Variants in DLGAP4 observed in about 807,000 individuals in gnomAD.
The protein encoded by DLGAP4 is disks large-associated protein 4.
In DLGAP4, 18 loss-of-function variants were observed where a neutral mutation model predicts 86.9. The observed-to-expected ratio is 0.21, with a 90% CI of 0.14 to 0.31. DLGAP4 has a LOEUF of 0.31. Among genes scored for constraint, DLGAP4 ranks in the 10% least tolerant of loss-of-function variants. The probability of loss-of-function intolerance (pLI) is 1.00; values close to 1 mark genes in which losing one functional copy is unlikely to be tolerated. For synonymous variants in DLGAP4, 548 were observed against 574.3 expected (o/e 0.95, Z 0.65); for missense variants, 1,085 against 1,362.6 (o/e 0.80, Z 3.21).
chr20:36,496,679 C>T lies in DLGAP4; in HGVS notation c.1649-26C>T, dbSNP rs565892630. ...GGGGGCTTCACCATCTCACCTCTCC[C>T]CTGCCCTTCTCTCATCCATCTGCAG... On this transcript the variant is annotated intron_variant, in intron 7 of 12. Transcript: ENST00000339266. The T allele has an allele frequency of 8.8e-5, 139 of 1,583,224 alleles. 1 individual carries two copies. In the South Asian group the frequency reaches 1.6e-3, roughly 18 times the overall value.
intron 1 of DLGAP4, among the ~76,000 whole-genome samples, chr20:36,315,410 T>C (rs1435629266): frequency 1.3e-5 from 2 of 148,494 alleles, no homozygotes; most frequent in Non-Finnish European, 3.0e-5. Flanking sequence ...AGCCAGGAGC[T>C]TGGGATGAGG....
intron 7 of DLGAP4, chr20:36,465,256 C>G (rs2034297435): frequency 6.7e-6 from 1 of 149,326 alleles, no homozygotes; most frequent in African/African-American, 2.4e-5. Flanking sequence ...ATCTTCTCAT[C>G]TCTCCCAGGC....
At chr20:36,335,280 C>T (rs1322673713) in intron 1 of DLGAP4, among the ~76,000 whole-genome samples, 1 of 152,160 alleles carries the variant, frequency 6.6e-6, no homozygotes, top group African/African-American at 2.4e-5. Context: ...GATGGCATGA[C>T]ATTGATTTGT....
chr20:36,402,751 A>AT (rs56876508), intron 2 of DLGAP4, among the ~76,000 whole-genome samples: 15 of 149,910 alleles, frequency 1.0e-4, no homozygotes, highest in East Asian at 4.0e-4. Flanking sequence ...ATAAAAAAAA[A>AT]TTTTTTTTTA....
chr20:36,343,268 G>A (rs1600416002), intron 1 of DLGAP4, among the ~76,000 whole-genome samples: 1 of 152,206 alleles, frequency 6.6e-6, no homozygotes. Flanking sequence ...GCTGTGGCTT[G>A]GACCCAGGGT....
At chr20:36,362,755 G>A (rs529326497) in intron 1 of DLGAP4, among the ~76,000 whole-genome samples, 38 of 152,298 alleles carry the variant, frequency 2.5e-4, no homozygotes, top group Admixed American at 1.6e-3. Context: ...ATGCAATTAC[G>A]TGGCCTGTTG....
At chr20:36,454,779 T>C (rs2033837189) in intron 7 of DLGAP4, among the ~76,000 whole-genome samples, 1 of 152,204 alleles carries the variant, frequency 6.6e-6, no homozygotes, top group Non-Finnish European at 1.5e-5. Context: ...GCGGCAGTTA[T>C]TGAGGCAGTG....
At chr20:36,369,073 C>T (rs1327137585) in intron 2 of DLGAP4, among the ~76,000 whole-genome samples, 3 of 152,142 alleles carry the variant, frequency 2.0e-5, no homozygotes, top group African/African-American at 7.2e-5. Context: ...CCGTCAGCAT[C>T]GCGTGGAAAG....
At chr20:36,311,379 A>G (rs2065052012) in intron 1 of DLGAP4, among the ~76,000 whole-genome samples, 1 of 152,066 alleles carries the variant, frequency 6.6e-6, no homozygotes, top group Admixed American at 6.6e-5. Flanking sequence ...GGGTTTCGCA[A>G]CGCCGCCTCC....
intron 10 of DLGAP4, chr20:36,508,124 G>A (rs2036483096): frequency 1.3e-5 from 2 of 152,174 alleles, no homozygotes; most frequent in African/African-American, 4.8e-5. Flanking sequence ...CCCAAGGCGG[G>A]GCTTCAGGTT....
chr20:36,331,343 G>T (rs2065266046), intron 1 of DLGAP4, among the ~76,000 whole-genome samples: 1 of 152,234 alleles, frequency 6.6e-6, no homozygotes, highest in Admixed American at 6.5e-5. Context: ...CCCATCTCCG[G>T]CATCCCCAGC....
At chr20:36,392,324 C>T (rs1325688006) in intron 2 of DLGAP4, among the ~76,000 whole-genome samples, 1 of 152,172 alleles carries the variant, frequency 6.6e-6, no homozygotes, top group Non-Finnish European at 1.5e-5. Context: ...GGGTTAGAGC[C>T]TTAGGATTGC....
intron 1 of DLGAP4, among the ~76,000 whole-genome samples, chr20:36,346,039 G>A (rs555298701): frequency 6.6e-6 from 1 of 152,300 alleles, no homozygotes; most frequent in Admixed American, 6.5e-5. Flanking sequence ...CTACAGGTGT[G>A]AGCCACCATG....
At chr20:36,314,846 T>A (rs1271519906) in intron 1 of DLGAP4, among the ~76,000 whole-genome samples, 16 of 131,394 alleles carry the variant, frequency 1.2e-4, no homozygotes, top group South Asian at 2.9e-4. Flanking sequence ...CTGGTGTGTG[T>A]GCTATGATGT....
intron 2 of DLGAP4, among the ~76,000 whole-genome samples, chr20:36,413,645 T>G (rs771833624): frequency 1.3e-5 from 2 of 150,242 alleles, no homozygotes; most frequent in Non-Finnish European, 3.0e-5. Flanking sequence ...GGTCTTGAGC[T>G]CCTGACCTCG....
At chr20:36,329,459 T>G (rs956890017) in intron 1 of DLGAP4, among the ~76,000 whole-genome samples, 2 of 152,248 alleles carry the variant, frequency 1.3e-5, no homozygotes, top group African/African-American at 2.4e-5. Context: ...GTGCAAGATA[T>G]TCAGCTTAGG....
At chr20:36,504,712 GAAGT>G (rs2036286343) in intron 10 of DLGAP4, among the ~76,000 whole-genome samples, 1 of 152,234 alleles carries the variant, frequency 6.6e-6, no homozygotes, top group South Asian at 2.1e-4. Context: ...TGAAGTAGAT[GAAGT>G]AATATCTCAT....
chr20:36,367,493 C>T (rs2030731776), intron 2 of DLGAP4, among the ~76,000 whole-genome samples: 1 of 152,222 alleles, frequency 6.6e-6, no homozygotes, highest in African/African-American at 2.4e-5. Context: ...GCCCATTTTC[C>T]AGAGGAGTCA....
intron 1 of DLGAP4, among the ~76,000 whole-genome samples, chr20:36,322,907 G>T (rs2065182578): frequency 6.6e-6 from 1 of 152,124 alleles, no homozygotes; most frequent in Admixed American, 6.5e-5. Context: ...AGGTGCAGTG[G>T]CTCACGCCTG....
Sources: allele counts gnomAD v4.1 joint callset (sites outside exome capture counted in the v4.1 genomes callset), GRCh38; gene constraint gnomAD v4.1.1; transcripts MANE v1.5; gene names NCBI Gene and HGNC (gene_info 2026-07-23, HGNC 2026-07-21).